Variants in TRAPPC9 observed in about 807,000 individuals in gnomAD.
The protein encoded by TRAPPC9 is IKK2 binding protein.
TRAPPC9 carries 83 observed loss-of-function variants against 124.0 expected under a neutral mutation model. That is an observed-to-expected ratio of 0.67 (90% CI 0.56 to 0.80). TRAPPC9 has a LOEUF of 0.80. Ranked by LOEUF, TRAPPC9 falls within the 30% of genes least tolerant of loss-of-function variation. The probability of loss-of-function intolerance (pLI) is 0.00; values close to 1 mark genes in which losing one functional copy is unlikely to be tolerated. For synonymous variants in TRAPPC9, 638 were observed against 617.5 expected, an observed-to-expected ratio of 1.03 and a Z score of -0.49; for missense variants, 1,302 against 1,508.3, an observed-to-expected ratio of 0.86 and a Z score of 2.27.
intron 21 of TRAPPC9, among the ~76,000 whole-genome samples, chr8:139,836,564 G>A (rs1250108205): frequency 6.6e-6 from 1 of 152,222 alleles, no homozygotes; most frequent in Non-Finnish European, 1.5e-5. Context: ...CAATGCAGAT[G>A]CTGCCGCCAC....
At chr8:140,323,098 G>C (rs2066640865) in intron 9 of TRAPPC9, among the ~76,000 whole-genome samples, 1 of 152,188 alleles carries the variant, frequency 6.6e-6, no homozygotes, top group Non-Finnish European at 1.5e-5. Context: ...AAGTCGAGTT[G>C]ATCAGCAGCC....
At chr8:139,932,785 T>C (rs868398844) in intron 19 of TRAPPC9, 4 of 344,796 alleles carry the variant, frequency 1.2e-5, no homozygotes, top group Non-Finnish European at 2.3e-5. Flanking sequence ...AGCACTGTCA[T>C]GCAGGGCAGG....
chr8:139,913,252 T>C (rs1410514433), intron 19 of TRAPPC9, among the ~76,000 whole-genome samples: 1 of 152,170 alleles, frequency 6.6e-6, no homozygotes, highest in African/African-American at 2.4e-5. Flanking sequence ...GAAAACAAAA[T>C]GTAAGGAGCA....
chr8:140,224,143 G>C (rs2063397120), intron 16 of TRAPPC9, among the ~76,000 whole-genome samples: 2 of 152,166 alleles, frequency 1.3e-5, no homozygotes, highest in African/African-American at 4.8e-5. Flanking sequence ...CTGCATGTGG[G>C]CAGCAAAGGT....
intron 19 of TRAPPC9, among the ~76,000 whole-genome samples, chr8:139,945,543 C>CAAAAAAAAAAAAAAAAAAAAAA (rs61528944): frequency 4.5e-5 from 3 of 66,168 alleles, no homozygotes; most frequent in African/African-American, 6.9e-5. Flanking sequence ...GCACAATTAG[C>CAAAAAAAAAAAAAAAAAAAAAA]AAAAAAAAAA....
intron 17 of TRAPPC9, among the ~76,000 whole-genome samples, chr8:140,102,312 A>G (rs1217885464): frequency 6.6e-6 from 1 of 152,242 alleles, no homozygotes; most frequent in Non-Finnish European, 1.5e-5. Flanking sequence ...CCAGGTGGAA[A>G]TGAAAGAAAG....
At chr8:140,324,958 A>C (rs920146539) in intron 9 of TRAPPC9, among the ~76,000 whole-genome samples, 4 of 152,172 alleles carry the variant, frequency 2.6e-5, no homozygotes, top group Admixed American at 1.3e-4. Context: ...CAAATGCCAC[A>C]CCATAAAACA....
intron 17 of TRAPPC9, among the ~76,000 whole-genome samples, chr8:140,156,181 C>T (rs548053243): frequency 5.9e-5 from 9 of 152,312 alleles, no homozygotes; most frequent in African/African-American, 1.7e-4. Flanking sequence ...CAACACCTCC[C>T]GCCACCACCT....
At chr8:140,405,754 T>G in intron 5 of TRAPPC9, 56 bp from the exon 6 acceptor site, 3 of 1,606,986 alleles carry the variant, frequency 1.9e-6, no homozygotes, top group Non-Finnish European at 2.6e-6. Context: ...TATTATTTCT[T>G]TGTTAAAGAG....
intron 21 of TRAPPC9, among the ~76,000 whole-genome samples, chr8:139,756,859 G>C (rs1819850798): frequency 1.4e-5 from 2 of 138,492 alleles, no homozygotes; most frequent in Non-Finnish European, 1.6e-5. Flanking sequence ...AGGAGCCAGG[G>C]ATTGGGGATG....
intron 21 of TRAPPC9, among the ~76,000 whole-genome samples, chr8:139,845,842 C>T (rs1827040943): frequency 6.6e-6 from 1 of 152,236 alleles, no homozygotes; most frequent in Non-Finnish European, 1.5e-5. Context: ...CCCTAACAGA[C>T]AAGCTGTGGC....
chr8:140,334,960 T>A (rs1406707510), intron 9 of TRAPPC9, among the ~76,000 whole-genome samples: 2 of 152,086 alleles, frequency 1.3e-5, no homozygotes, highest in Non-Finnish European at 2.9e-5. Flanking sequence ...TGAAAAACCA[T>A]GTGATACACT....
chr8:140,321,403 T>C (rs2066593239), intron 9 of TRAPPC9, among the ~76,000 whole-genome samples: 1 of 152,072 alleles, frequency 6.6e-6, no homozygotes, highest in Non-Finnish European at 1.5e-5. Context: ...AAAAGCAGAG[T>C]TGCTGTTCAA....
intron 21 of TRAPPC9, among the ~76,000 whole-genome samples, chr8:139,818,885 A>G (rs1825052346): frequency 6.6e-6 from 1 of 152,240 alleles, no homozygotes; most frequent in Non-Finnish European, 1.5e-5. Flanking sequence ...CTCTTCAGAC[A>G]CAATTTGTCA....
intron 17 of TRAPPC9, among the ~76,000 whole-genome samples, chr8:140,102,973 C>T (rs1010861985): frequency 2.6e-5 from 4 of 152,102 alleles, no homozygotes; most frequent in Admixed American, 2.6e-4. Context: ...GTCTGACTTA[C>T]GAAGATGAGG....
intron 21 of TRAPPC9, among the ~76,000 whole-genome samples, chr8:139,843,325 G>C (rs1277203795): frequency 1.3e-5 from 2 of 152,192 alleles, no homozygotes; most frequent in African/African-American, 4.8e-5. Flanking sequence ...CCCGGGGCTG[G>C]TCACTGGCTC....
intron 17 of TRAPPC9, among the ~76,000 whole-genome samples, chr8:140,188,445 A>T (rs745521342): frequency 6.6e-5 from 10 of 152,206 alleles, no homozygotes; most frequent in Non-Finnish European, 1.3e-4. Flanking sequence ...ATTACTTCTC[A>T]GCACAGCTGT....
intron 17 of TRAPPC9, among the ~76,000 whole-genome samples, chr8:140,206,674 T>G (rs982461621): frequency 3.9e-5 from 6 of 152,072 alleles, no homozygotes; most frequent in African/African-American, 1.4e-4. Context: ...CCTTACATGC[T>G]CTGACCTCAT....
chr8:139,764,015 G>A (rs72683223), intron 21 of TRAPPC9, among the ~76,000 whole-genome samples: 7,359 of 152,316 alleles, frequency 0.048, 224 homozygotes, highest in South Asian at 0.12. Context: ...TAGGTCTGCC[G>A]ATGGGGGGTT....
Sources: gnomAD v4.1 joint callset for allele counts (sites outside exome capture counted in the v4.1 genomes callset) on GRCh38, gnomAD v4.1.1 for gene constraint, MANE v1.5 for transcripts, NCBI Gene and HGNC (gene_info 2026-07-23, HGNC 2026-07-21) for gene names.